Variants in TRAPPC12 observed in about 807,000 individuals in gnomAD.
TRAPPC12 encodes the protein trafficking protein particle complex subunit 12, also known as TPR repeat protein 15.
TRAPPC12 carries 61 observed loss-of-function variants against 69.2 expected under a neutral mutation model. The ratio of observed to expected loss-of-function variants is 0.88; its 90% CI spans 0.72 to 1.09. TRAPPC12 has a LOEUF of 1.09. TRAPPC12 is among the 50% of genes least tolerant of loss of function. The pLI, the probability that TRAPPC12 is intolerant of heterozygous loss-of-function variation, is 0.00. For synonymous variants in TRAPPC12, 469 were observed against 438.9 expected, an observed-to-expected ratio of 1.07 and a Z score of -0.86; for missense variants, 1,101 against 1,016.4, an observed-to-expected ratio of 1.08 and a Z score of -1.13.
chr2:3,433,216 A>G (rs1663544683), intron 5 of TRAPPC12, among the ~76,000 whole-genome samples: 1 of 152,198 alleles, frequency 6.6e-6, no homozygotes, highest in Non-Finnish European at 1.5e-5. Flanking sequence ...AGGTCAGGAT[A>G]GGGAAGGACA....
intron 6 of TRAPPC12, among the ~76,000 whole-genome samples, chr2:3,444,529 T>G (rs140814271): frequency 4.6e-5 from 7 of 152,388 alleles, no homozygotes; most frequent in African/African-American, 1.7e-4. Context: ...TTAGGAATGA[T>G]CCTGCCTTTC....
At chr2:3,388,753 G>A (rs1660655913) in intron 2 of TRAPPC12, 83 bp downstream of exon 2, 1 of 1,299,842 alleles carries the variant, frequency 7.7e-7, no homozygotes, top group East Asian at 2.6e-5. Flanking sequence ...TAGGGATGGA[G>A]AAGGAGAAGG....
Position 3,414,118 on chromosome 2 carries a change from G to T in TRAPPC12, c.1165-7763G>T, listed in dbSNP as rs1303385328. 1.3e-5 allele frequency among the ~76,000 whole-genome samples: 2 copies of T among 152,084 alleles called. No individual in the cohort carries two copies. The highest frequency in any genetic ancestry group is 2.9e-5 in the Non-Finnish European group (2 of 68,012). On this transcript the variant is annotated intron_variant, in intron 3 of 11. Coordinates refer to ENST00000324266, the MANE Select transcript of TRAPPC12 (RefSeq NM_016030.6). The surrounding 1 kb of genome is among the most constrained non-coding windows in gnomAD (Gnocchi z 4.9). ...CTAGGTACCCCTCACACATTTTTAA[G>T]CTATCTAAAATGTTTTATCATAAAT...
intron 1 of TRAPPC12, among the ~76,000 whole-genome samples, chr2:3,380,378 C>A (rs1348761379): frequency 6.6e-6 from 1 of 152,204 alleles, no homozygotes; most frequent in Non-Finnish European, 1.5e-5. Context: ...TGTAAACGTC[C>A]GCTGTTGCTA....
Position 3,477,710 on chromosome 2 carries a change from AC to A in TRAPPC12, c.1793del (p.Thr598LysfsTer12). The A allele has an allele frequency of 4.4e-6, 7 of 1,606,472 alleles. No homozygotes were observed. The highest frequency in any genetic ancestry group is 5.9e-6 in the Non-Finnish European group (7 of 1,177,244). On this transcript the variant is annotated frameshift_variant, in exon 10 of 12. Transcript: ENST00000324266. LOFTEE classifies it high-confidence loss of function. ...GTCAAAGCAGATTGGAGACATAAAAACAGCTGAAAAGTATTTTCAAGACGTT... is the reference window on the plus strand; with the variant it reads ...GTCAAAGCAGATTGGAGACATAAAAAAGCTGAAAAGTATTTTCAAGACGTT... ...RISLQIGDIKTAEKYFQDVEK... is the reference protein window; with the variant it reads ...RISLQIGDIKXAEKYFQDVEK...
At chr2:3,468,410 C>A (rs540778678) in intron 9 of TRAPPC12, among the ~76,000 whole-genome samples, 1 of 148,708 alleles carries the variant, frequency 6.7e-6, no homozygotes, top group East Asian at 2.0e-4. Context: ...TTTATCTCAC[C>A]TTCATGGTGT....
At chr2:3,383,265 T>C (rs1393858126) in intron 1 of TRAPPC12, among the ~76,000 whole-genome samples, 2 of 152,224 alleles carry the variant, frequency 1.3e-5, no homozygotes, top group African/African-American at 4.8e-5. Context: ...ATATAGCAGA[T>C]GTATCCATTT....
intron 3 of TRAPPC12, among the ~76,000 whole-genome samples, chr2:3,406,312 C>CT (rs11384639): frequency 0.65 from 99,533 of 151,974 alleles, 33,019 homozygotes; most frequent in African/African-American, 0.76. Flanking sequence ...TGTCTGAATC[C>CT]TCTGGTAGCC....
intron 8 of TRAPPC12, chr2:3,461,026 C>T (rs1665463635): frequency 6.6e-6 from 1 of 152,388 alleles, no homozygotes; most frequent in Non-Finnish European, 1.5e-5. Flanking sequence ...AGCAGGCGCT[C>T]CGGAGCAGTG....
intron 2 of TRAPPC12, among the ~76,000 whole-genome samples, chr2:3,400,063 G>C (rs1212678791): frequency 6.6e-6 from 1 of 152,220 alleles, no homozygotes; most frequent in Non-Finnish European, 1.5e-5. Flanking sequence ...TCTTTCTTCT[G>C]CTCACCCGAG....
In TRAPPC12 at chr2:3,388,300, C is replaced by A; in HGVS notation, c.677C>A (p.Ser226Tyr). The change falls in exon 2 of 12, where the codon TCC (serine) becomes TAC (tyrosine). Residue 226 changes from serine to tyrosine, a missense_variant. Ser to Tyr is a moderately radical substitution (Grantham distance 144, BLOSUM62 -2). Transcript: ENST00000324266. ...SHSLASDFFDSFTTSAFISVS... is the reference protein window; with the variant it reads ...SHSLASDFFDYFTTSAFISVS... ...TCCTTGGCCTCGGACTTCTTCGACT[C>A]CTTTACTACCTCCGCCTTCATTTCC... The A allele has an allele frequency of 1.9e-6, 3 of 1,607,436 alleles. No homozygotes were observed. Among genetic ancestry groups the A allele is most frequent in the Non-Finnish European group, 2.5e-6 (3 of 1,176,970 alleles).
At chr2:3,380,986 CCCTG>C in intron 1 of TRAPPC12, among the ~76,000 whole-genome samples, 1 of 152,266 alleles carries the variant, frequency 6.6e-6, no homozygotes, top group Middle Eastern at 3.4e-3. Flanking sequence ...TTCTGCCCAC[CCCTG>C]CCTGGCAACC....
intron 5 of TRAPPC12, among the ~76,000 whole-genome samples, chr2:3,440,788 C>A (rs1443187127): frequency 6.6e-6 from 1 of 152,142 alleles, no homozygotes; most frequent in Non-Finnish European, 1.5e-5. Context: ...TTGTTGTTAG[C>A]TGCAGTTGTT....
At chr2:3,435,093 A>G (rs763990342) in intron 5 of TRAPPC12, among the ~76,000 whole-genome samples, 4 of 152,174 alleles carry the variant, frequency 2.6e-5, no homozygotes, top group Non-Finnish European at 4.4e-5. Context: ...GCTCACTGCA[A>G]TGTCCACCTC....
chr2:3,403,532 G>C (rs1410232875), intron 3 of TRAPPC12, among the ~76,000 whole-genome samples: 1 of 152,134 alleles, frequency 6.6e-6, no homozygotes, highest in African/African-American at 2.4e-5. Flanking sequence ...CACCCGACCA[G>C]ATTTCACCTA....
At chr2:3,465,985 C>T (rs562492845) in intron 9 of TRAPPC12, among the ~76,000 whole-genome samples, 15 of 152,346 alleles carry the variant, frequency 9.8e-5, no homozygotes, top group Admixed American at 8.5e-4. Context: ...GTTACGAAAG[C>T]ACTGACTAAA....
At chr2:3,464,521 T>C (rs1368973240) in intron 8 of TRAPPC12, among the ~76,000 whole-genome samples, 2 of 152,216 alleles carry the variant, frequency 1.3e-5, no homozygotes, top group African/African-American at 2.4e-5. Flanking sequence ...TCTGGGATTA[T>C]ACGATGAGTA....
chr2:3,470,800 GAAAAA>G (rs377189845), intron 9 of TRAPPC12, among the ~76,000 whole-genome samples: 1 of 152,120 alleles, frequency 6.6e-6, no homozygotes, highest in African/African-American at 2.4e-5. Context: ...AGTGGAAATA[GAAAAA>G]AATGATTTTG....
intron 9 of TRAPPC12, chr2:3,466,473 G>A: frequency 2.2e-6 from 1 of 449,996 alleles, no homozygotes; most frequent in South Asian, 1.6e-5. Context: ...GAGGTCTCCT[G>A]GTTAAGTGAT....
Sources: gnomAD v4.1 joint callset for allele counts (sites outside exome capture counted in the v4.1 genomes callset) on GRCh38, gnomAD v4.1.1 for gene constraint, Gnocchi (gnomAD v3.1) non-coding constraint, MANE v1.5 for transcripts, NCBI Gene and HGNC (gene_info 2026-07-23, HGNC 2026-07-21) for gene names.